CFAP54: variants seen among roughly 807,000 people sequenced by gnomAD.
CFAP54 encodes cilia and flagella associated protein 54, also known as cilia- and flagella-associated protein 54.
Under a neutral mutation model 370.4 loss-of-function variants are expected in CFAP54, and 290 were observed. The observed-to-expected ratio is 0.78, with a 90% CI of 0.71 to 0.86. CFAP54 has a LOEUF of 0.86. CFAP54 is among the 40% of genes least tolerant of loss of function. The pLI is 0.00. For missense variants in CFAP54, 3,399 were observed against 3,528.7 expected (o/e 0.96, Z 0.93); for synonymous variants, 1,206 against 1,236.5 (o/e 0.98, Z 0.52).
At chr12:96,695,795 A>G (rs114668626) in intron 45 of CFAP54, among the ~76,000 whole-genome samples, 2,803 of 152,320 alleles carry the variant, frequency 0.018, 105 homozygotes, top group African/African-American at 0.065. Flanking sequence ...TACTTGGTAG[A>G]TATTTATTGA....
chr12:96,616,692 G>A (rs1327315424), intron 26 of CFAP54, among the ~76,000 whole-genome samples: 1 of 152,168 alleles, frequency 6.6e-6, no homozygotes. Flanking sequence ...AATAATTTTA[G>A]AGTTTGATAA....
At chr12:96,647,611 C>T (rs1295323811) in intron 33 of CFAP54, among the ~76,000 whole-genome samples, 3 of 151,494 alleles carry the variant, frequency 2.0e-5, no homozygotes, top group Admixed American at 1.3e-4. Context: ...CTCACAGAGC[C>T]GGCACAGATA....
chr12:96,592,307 A>G (rs566687385), intron 23 of CFAP54, among the ~76,000 whole-genome samples, 183 bp from the exon 24 acceptor site: 2 of 152,230 alleles, frequency 1.3e-5, no homozygotes, highest in African/African-American at 2.4e-5. Flanking sequence ...TATCTGTGAC[A>G]TAATATTTCA....
At chr12:96,699,071 A>T (rs1488333107) in intron 45 of CFAP54, among the ~76,000 whole-genome samples, 1 of 152,102 alleles carries the variant, frequency 6.6e-6, no homozygotes, top group East Asian at 1.9e-4. Flanking sequence ...CCAACCAGAG[A>T]CTGAAGTAAG....
chr12:96,610,296 C>T (rs985839075), intron 26 of CFAP54, among the ~76,000 whole-genome samples: 8 of 152,162 alleles, frequency 5.3e-5, no homozygotes, highest in Non-Finnish European at 1.0e-4. Flanking sequence ...AACCTTGTCT[C>T]ATGCCATAAA....
At chr12:96,814,305 C>T (rs1220765934) in intron 64 of CFAP54, among the ~76,000 whole-genome samples, 3 of 152,290 alleles carry the variant, frequency 2.0e-5, no homozygotes, top group Non-Finnish European at 2.9e-5. Context: ...TAAGAACATA[C>T]ATACTTATGT....
intron 8 of CFAP54, 95 bp from the exon 9 acceptor site, chr12:96,527,151 C>A: frequency 9.2e-7 from 1 of 1,089,960 alleles, no homozygotes; most frequent in Non-Finnish European, 1.2e-6. Context: ...CCTGCCTTGG[C>A]CTCCCAAAGT....
chr12:96,664,055 C>T (rs1372063520), intron 39 of CFAP54, 123 bp downstream of exon 39: 1 of 735,694 alleles, frequency 1.4e-6, no homozygotes, highest in Non-Finnish European at 2.3e-6. Flanking sequence ...GTTTAGTTGA[C>T]TAAAAATAAT....
intron 34 of CFAP54, among the ~76,000 whole-genome samples, chr12:96,649,536 T>C (rs1195931884): frequency 1.3e-5 from 2 of 152,194 alleles, no homozygotes; most frequent in Non-Finnish European, 2.9e-5. Flanking sequence ...TGATATATTG[T>C]CTTAGGAATG....
At chr12:96,492,565 C>T (rs1378505195) in intron 1 of CFAP54, among the ~76,000 whole-genome samples, 1 of 152,192 alleles carries the variant, frequency 6.6e-6, no homozygotes, top group Non-Finnish European at 1.5e-5. Flanking sequence ...TGTGTATTGT[C>T]TGTCTCATTA....
chr12:96,591,237 T>C lies in CFAP54; in HGVS notation c.3213-1253T>C, dbSNP rs528388722. ...GCTCAATAAAATGCCACAGAGAGGGTTGAGTAGAACACAAATGAAGAAGAG... is the reference window on the plus strand; with the variant it reads ...GCTCAATAAAATGCCACAGAGAGGGCTGAGTAGAACACAAATGAAGAAGAG... On this transcript the variant is annotated intron_variant, in intron 23 of 67. Coordinates refer to ENST00000524981, the MANE Select transcript of CFAP54 (RefSeq NM_001306084.2). 1.1e-4 allele frequency among the ~76,000 whole-genome samples: 17 copies of C among 148,692 alleles called. 1 individual carries two copies. In the South Asian group the frequency reaches 3.6e-3, roughly 31 times the overall value.
chr12:96,737,467 A>T (rs1957992646), intron 50 of CFAP54, among the ~76,000 whole-genome samples: 3 of 148,072 alleles, frequency 2.0e-5, no homozygotes, highest in African/African-American at 7.4e-5. Flanking sequence ...GATATATTAT[A>T]TATTATATTT....
chr12:96,782,536 T>G (rs958982519), intron 60 of CFAP54, among the ~76,000 whole-genome samples: 2 of 152,106 alleles, frequency 1.3e-5, no homozygotes, highest in African/African-American at 4.8e-5. Flanking sequence ...CAAAAATATA[T>G]AAGACCTCTA....
At chr12:96,837,033 G>C (rs1328709927) in intron 66 of CFAP54, among the ~76,000 whole-genome samples, 1 of 152,078 alleles carries the variant, frequency 6.6e-6, no homozygotes, top group Non-Finnish European at 1.5e-5. Flanking sequence ...TGTTGCCCAG[G>C]CTGGTCTCCC....
chr12:96,500,284 A>G (rs1184041652), intron 1 of CFAP54, among the ~76,000 whole-genome samples: 2 of 152,242 alleles, frequency 1.3e-5, no homozygotes, highest in African/African-American at 4.8e-5. Context: ...TCAGTGGTTA[A>G]CAGAGATTAA....
intron 51 of CFAP54, 137 bp downstream of exon 51, chr12:96,740,198 G>T: frequency 1.7e-6 from 1 of 581,110 alleles, no homozygotes. Flanking sequence ...AAAAGATTTA[G>T]GTCCTATTAA....
chr12:96,579,285 A>G (rs760836754), intron 20 of CFAP54, among the ~76,000 whole-genome samples: 11 of 151,924 alleles, frequency 7.2e-5, no homozygotes, highest in Admixed American at 4.6e-4. Flanking sequence ...TCAGTTGTGC[A>G]TATCACAGTC....
chr12:96,777,728 C>T (rs1671988628), intron 60 of CFAP54, among the ~76,000 whole-genome samples: 1 of 152,034 alleles, frequency 6.6e-6, no homozygotes, highest in Non-Finnish European at 1.5e-5. Flanking sequence ...ATGAAGAATG[C>T]AAGCACTGCT....
intron 39 of CFAP54, among the ~76,000 whole-genome samples, chr12:96,674,336 CT>C (rs5800259): frequency 3.3e-4 from 41 of 124,998 alleles, no homozygotes; most frequent in South Asian, 1.3e-3. Context: ...CAATGTTTTT[CT>C]TTTTTTTTTT....
Sources: allele counts gnomAD v4.1 joint callset (sites outside exome capture counted in the v4.1 genomes callset), GRCh38; gene constraint gnomAD v4.1.1; transcripts MANE v1.5; gene names NCBI Gene and HGNC (gene_info 2026-07-23, HGNC 2026-07-21).